The following CCDC171 variants were observed in gnomAD, a reference collection of about 807,000 sequenced individuals.
CCDC171 encodes the protein coiled-coil domain containing 171, also known as coiled-coil domain-containing protein 171.
A neutral mutation model predicts 168.2 loss-of-function variants in CCDC171; 177 were observed. The ratio of observed to expected loss-of-function variants is 1.05; its 90% CI spans 0.93 to 1.19. The LOEUF (loss-of-function observed/expected upper bound fraction) is 1.19. Among genes scored for constraint, CCDC171 ranks in the 50% most tolerant of loss-of-function variants. CCDC171 has a pLI of 0.00. For synonymous variants in CCDC171, 687 were observed against 540.8 expected, an observed-to-expected ratio of 1.27 and a Z score of -3.75; for missense variants, 1,991 against 1,539.0, an observed-to-expected ratio of 1.29 and a Z score of -4.91.
chr9:15,621,809 A>G (rs2044531086), intron 6 of CCDC171, among the ~76,000 whole-genome samples: 1 of 152,206 alleles, frequency 6.6e-6, no homozygotes, highest in South Asian at 2.1e-4. Context: ...AAATTGTTCT[A>G]CCACAAAGAC....
downstream of CCDC171, among the ~76,000 whole-genome samples, chr9:16,063,867 C>T (rs1024947203): frequency 3.9e-5 from 6 of 152,212 alleles, no homozygotes; most frequent in Non-Finnish European, 7.3e-5. Flanking sequence ...TAAATTCTAG[C>T]AGAGCAAGGG....
At chr9:15,706,404 C>A (rs2052239704) in intron 11 of CCDC171, among the ~76,000 whole-genome samples, 1 of 152,112 alleles carries the variant, frequency 6.6e-6, no homozygotes, top group African/African-American at 2.4e-5. Flanking sequence ...ATCCTCCCAC[C>A]TCAGCTCCCA....
chr9:15,567,588 T>C (rs902093593), intron 2 of CCDC171, among the ~76,000 whole-genome samples: 24 of 152,224 alleles, frequency 1.6e-4, no homozygotes, highest in Non-Finnish European at 1.5e-5. Flanking sequence ...TGGTGGAATG[T>C]CTTTCCACTT....
At chr9:15,619,277 A>G (rs2044328738) in intron 6 of CCDC171, among the ~76,000 whole-genome samples, 1 of 152,160 alleles carries the variant, frequency 6.6e-6, no homozygotes, top group Admixed American at 6.5e-5. Flanking sequence ...AATGTTGAAA[A>G]CCAGTACAGG....
intron 21 of CCDC171, among the ~76,000 whole-genome samples, chr9:15,785,812 G>T (rs946072160): frequency 2.3e-4 from 35 of 151,892 alleles, no homozygotes; most frequent in African/African-American, 8.5e-4. Flanking sequence ...CATTTGCCAG[G>T]CTCTGTGTTA....
chr9:16,108,497 A>G, the CCDC171 span, among the ~76,000 whole-genome samples: 1 of 152,340 alleles, frequency 6.6e-6, no homozygotes, highest in African/African-American at 2.4e-5. Flanking sequence ...TGTGCCGCCC[A>G]TAGGCACTAG....
intron 21 of CCDC171, among the ~76,000 whole-genome samples, chr9:15,808,267 A>G (rs1180896531): frequency 1.3e-5 from 2 of 152,200 alleles, no homozygotes; most frequent in African/African-American, 4.8e-5. Flanking sequence ...GGAATGCTAG[A>G]TAGAAATACA....
At chr9:15,719,110 C>T (rs1290020241) in intron 11 of CCDC171, among the ~76,000 whole-genome samples, 2 of 151,590 alleles carry the variant, frequency 1.3e-5, no homozygotes, top group African/African-American at 4.8e-5. Flanking sequence ...AATTCAAAAT[C>T]CTATCAGATA....
chr9:15,849,240 C>T (rs1295467863), intron 23 of CCDC171, among the ~76,000 whole-genome samples: 2 of 150,556 alleles, frequency 1.3e-5, no homozygotes, highest in African/African-American at 4.9e-5. Context: ...CATTAAGATC[C>T]TTATATGTCT....
At chr9:15,760,867 T>C (rs1411107310) in intron 18 of CCDC171, among the ~76,000 whole-genome samples, 7 of 152,164 alleles carry the variant, frequency 4.6e-5, no homozygotes, top group Admixed American at 2.6e-4. Context: ...GCTTTCATTA[T>C]AGTGTTTGCC....
At chr9:15,962,693 C>A (rs1830462163) in intron 25 of CCDC171, among the ~76,000 whole-genome samples, 1 of 151,812 alleles carries the variant, frequency 6.6e-6, no homozygotes, top group East Asian at 1.9e-4. Context: ...TCTCATGATT[C>A]AAATAATTTT....
chr9:15,812,513 T>G (rs1363773228), intron 21 of CCDC171, among the ~76,000 whole-genome samples: 1 of 152,074 alleles, frequency 6.6e-6, no homozygotes, highest in Non-Finnish European at 1.5e-5. Flanking sequence ...ATTTGGGCCC[T>G]CAAATATTTG....
chr9:16,095,803 G>A, the CCDC171 span, among the ~76,000 whole-genome samples: 18,444 of 146,606 alleles, frequency 0.13, 2,718 homozygotes, highest in African/African-American at 0.36. Context: ...GGGCTATTTC[G>A]GTGTTGGAGT....
At chr9:16,080,434 G>A in the CCDC171 span, among the ~76,000 whole-genome samples, 1 of 151,984 alleles carries the variant, frequency 6.6e-6, no homozygotes, top group African/African-American at 2.4e-5. Context: ...TTTCTGTTAA[G>A]CTTCTTAATT....
intron 7 of CCDC171, among the ~76,000 whole-genome samples, chr9:15,629,523 T>A (rs1025905340): frequency 1.3e-5 from 2 of 152,158 alleles, no homozygotes; most frequent in Admixed American, 1.3e-4. Context: ...AATATGGGAC[T>A]ATGTGAAAAG....
chr9:16,079,786 C>G, the CCDC171 span, among the ~76,000 whole-genome samples: 1 of 151,954 alleles, frequency 6.6e-6, no homozygotes, highest in African/African-American at 2.4e-5. Context: ...AAAGCTGGTT[C>G]TTTGTATGAC....
the CCDC171 span, among the ~76,000 whole-genome samples, chr9:16,077,625 T>A: frequency 6.6e-6 from 1 of 152,090 alleles, no homozygotes; most frequent in Non-Finnish European, 1.5e-5. Flanking sequence ...AACCCACAGG[T>A]TGGAGCCAAC....
intron 18 of CCDC171, among the ~76,000 whole-genome samples, chr9:15,759,225 A>T (rs190913905): frequency 6.6e-6 from 1 of 152,340 alleles, no homozygotes; most frequent in East Asian, 1.9e-4. Flanking sequence ...AATGTGATAT[A>T]AAACTTACAG....
intron 25 of CCDC171, among the ~76,000 whole-genome samples, chr9:15,921,499 A>G (rs1442186764): frequency 6.6e-6 from 1 of 151,582 alleles, no homozygotes; most frequent in Non-Finnish European, 1.5e-5. Context: ...CTCCTTCCTC[A>G]GTAGAATGTA....
Sources: allele counts gnomAD v4.1 joint callset (sites outside exome capture counted in the v4.1 genomes callset), GRCh38; gene constraint gnomAD v4.1.1; transcripts MANE v1.5; gene names NCBI Gene and HGNC (gene_info 2026-07-23, HGNC 2026-07-21).